FAAP100: variants seen among roughly 807,000 people sequenced by gnomAD.
The protein encoded by FAAP100 is FA core complex associated protein 100, also known as Fanconi anemia core complex-associated protein 100.
In FAAP100, 46 loss-of-function variants were observed where a neutral mutation model predicts 65.8. The observed-to-expected ratio is 0.70, with a 90% CI of 0.55 to 0.89. The LOEUF (loss-of-function observed/expected upper bound fraction) is 0.89. FAAP100 is among the 40% of genes least tolerant of loss of function. FAAP100 has a pLI of 0.00. For missense variants in FAAP100, 1,165 were observed against 1,196.7 expected (o/e 0.97, Z 0.39); for synonymous variants, 663 against 555.1 (o/e 1.19, Z -2.73).
At chr17:81,549,464 G>T in intron 3 of FAAP100, 102 bp from the exon 4 acceptor site, 1 of 1,402,608 alleles carries the variant, frequency 7.1e-7, no homozygotes, top group Non-Finnish European at 9.6e-7. Flanking sequence ...GTTGGAAGAC[G>T]GCCAAGGCCA....
chr17:81,547,643 T>C lies in FAAP100; in HGVS notation c.1439A>G (p.Asn480Ser), dbSNP rs2033358869. ...SFLKKAVDQRNKALTSLNEAM... is the reference protein window; with the variant it reads ...SFLKKAVDQRSKALTSLNEAM... ...CTCGTTGAGGCTTGTCAGTGCCTTG[T>C]TCCGCTGGTCAACCGCCTTCTTTAG... The change falls in exon 5 of 9, where the codon AAC becomes AGC. Residue 480 changes from asparagine (N) to serine (S), a missense_variant. Coordinates refer to ENST00000327787, the MANE Select transcript of FAAP100 (RefSeq NM_025161.6). 1.2e-6 allele frequency: 2 copies of C among 1,611,630 alleles called. No individual in the cohort carries two copies. Among genetic ancestry groups the C allele is most frequent in the Non-Finnish European group, 1.7e-6 (2 of 1,178,638 alleles).
At chr17:81,546,200 G>A (rs1034767586) in intron 5 of FAAP100, among the ~76,000 whole-genome samples, 3 of 152,218 alleles carry the variant, frequency 2.0e-5, no homozygotes, top group African/African-American at 7.2e-5. Flanking sequence ...AGCTCCGCCC[G>A]GCACTGGGCA....
At position 81,541,352 on chromosome 17, in the gene FAAP100, T is replaced by G. The variant is rs888616140; in HGVS notation, c.2471A>C (p.Asp824Ala). Reference protein sequence around the residue: ...EQATQGSSAPDLRVQYLRQIH... With the variant: ...EQATQGSSAPALRVQYLRQIH... ...CTGGCGGAGGTACTGCACACGGAGA[T>G]CAGGAGCGCTGGAGCCCTGGGTGGC... is the stretch of plus-strand genomic sequence containing the variant. The change falls in exon 8 of 9, where the codon GAT becomes GCT. Residue 824 changes from aspartate to alanine, a missense_variant. By Grantham distance (126) the Asp-to-Ala change is moderately radical. Transcript: ENST00000327787. The G allele has an allele frequency of 1.9e-6, 3 of 1,611,692 alleles. No individual in the cohort carries two copies. Among genetic ancestry groups the G allele is most frequent in the Non-Finnish European group, 2.5e-6 (3 of 1,179,822 alleles).
Position 81,551,133 on chromosome 17 carries a change from C to T in FAAP100, c.361G>A (p.Asp121Asn), listed in dbSNP as rs115042934. 5.0e-5 allele frequency: 78 copies of T among 1,550,694 alleles called. No homozygotes were observed. In the African/African-American group the frequency reaches 9.7e-4, roughly 19 times the overall value. ...QPSPVIPVDP[D>N]ACILPDAALC... Reference sequence around the variant, plus strand: ...GCAGCATCGGGAAGGATGCAGGCATCGGGGTCCACAGGGATCACGGGGGAA... The same window carrying T: ...GCAGCATCGGGAAGGATGCAGGCATTGGGGTCCACAGGGATCACGGGGGAA... Residue 121 changes from aspartate to asparagine, a missense_variant, in exon 3 of 9, where the codon GAT (aspartate) becomes AAT (asparagine). Asp to Asn is a conservative substitution (Grantham distance 23). Coordinates refer to ENST00000327787, the MANE Select transcript of FAAP100 (RefSeq NM_025161.6).
chr17:81,544,475 G>C (rs1019238956), intron 6 of FAAP100, among the ~76,000 whole-genome samples: 1 of 152,174 alleles, frequency 6.6e-6, no homozygotes, highest in African/African-American at 2.4e-5. Flanking sequence ...CCTACATGTA[G>C]ATCCTGCCAC....
In FAAP100 at chr17:81,549,101, C is replaced by T. The variant is rs529735839; in HGVS notation, c.1403+105G>A. On this transcript the variant is annotated intron_variant, in intron 4 of 8. Coordinates refer to ENST00000327787, the MANE Select transcript of FAAP100 (RefSeq NM_025161.6). ...GGCCAAGTAATGGCCTGGCCTGGAC[C>T]GTTGCCACCCGAGGACACTCACACC... 41 of 1,285,102 alleles carry T rather than the reference C, an allele frequency of 3.2e-5. No homozygotes were observed. The Middle Eastern group carries it at 2.8e-3, about 88-fold the overall frequency. 79.6% of individuals were successfully genotyped at this position (1,285,102 alleles called of 1,614,324 possible). A position where few individuals can be genotyped will look rare whatever the true frequency, so the allele number is the denominator to read the frequency against.
Position 81,540,954 on chromosome 17 carries a change from C to T in FAAP100, c.2515-4G>A. 3 of 1,574,596 alleles carry T rather than the reference C, an allele frequency of 1.9e-6. No homozygotes were observed. The highest frequency in any genetic ancestry group is 4.5e-5 in the East Asian group (2 of 44,060). ...TCTGCACCTCCCGCAGCAGTGTCTG[C>T]AGGTGAAGCAGACACAGCTCAGGCC... On this transcript the variant is annotated splice_region_variant and splice_polypyrimidine_tract_variant and intron_variant, in intron 8 of 8. Coordinates refer to ENST00000327787, the MANE Select transcript of FAAP100 (RefSeq NM_025161.6).
At chr17:81,541,633 T>C (rs1010509429) in intron 7 of FAAP100, among the ~76,000 whole-genome samples, 1 of 152,204 alleles carries the variant, frequency 6.6e-6, no homozygotes, top group African/African-American at 2.4e-5. Context: ...ACTCGTTTGG[T>C]TCTTTTCTCT....
Position 81,552,031 on chromosome 17 carries a change from G to T in FAAP100, c.187C>A (p.Gln63Lys), listed in dbSNP as rs1411443237. The part of the protein sequence containing the change: ...LLTAAFRFPD[Q>K]VWHLELLAPR... ...GCCAGCAGCTCCAGGTGCCACACCTGGTCGGGGAACCGGAACGCCGCCTGC... is the reference window on the plus strand; with the variant it reads ...GCCAGCAGCTCCAGGTGCCACACCTTGTCGGGGAACCGGAACGCCGCCTGC... The change falls in exon 2 of 9, where the codon CAG (glutamine) becomes AAG (lysine). Residue 63 changes from glutamine to lysine, a missense_variant. By Grantham distance (53) the Gln-to-Lys change is moderately conservative (BLOSUM62 1). Coordinates refer to ENST00000327787, the MANE Select transcript of FAAP100 (RefSeq NM_025161.6). The T allele has an allele frequency of 6.5e-7, 1 of 1,540,156 alleles. No homozygotes were observed. Among genetic ancestry groups the T allele is most frequent in the East Asian group, 2.6e-5 (1 of 38,042 alleles).
chr17:81,540,655 G>A lies in FAAP100; in HGVS notation c.*164C>T, dbSNP rs776195550. On this transcript the variant is annotated 3_prime_UTR_variant, in exon 9 of 9. Transcript: ENST00000327787. ...AATCAGAATCTGCTTTGTGCTCCAC[G>A]GCCTCCAAGCACTTTCATGAGCGTT... 11 of 949,604 alleles carry A rather than the reference G, an allele frequency of 1.2e-5. No individual in the cohort carries two copies. The highest frequency in any genetic ancestry group is 3.5e-4 in the Middle Eastern group (1 of 2,826). 58.8% of individuals were successfully genotyped at this position (949,604 alleles called of 1,614,324 possible). A position where few individuals can be genotyped will look rare whatever the true frequency, so the allele number is the denominator to read the frequency against.
chr17:81,541,225 C>A, intron 8 of FAAP100, 84 bp downstream of exon 8: 1 of 1,430,108 alleles, frequency 7.0e-7, no homozygotes, highest in Non-Finnish European at 9.6e-7. Flanking sequence ...ACTCTGCGGA[C>A]CCCGAGTGAC....
At chr17:81,541,547 T>C (rs1037181915) in intron 7 of FAAP100, 152 bp from the exon 8 acceptor site, 2 of 692,908 alleles carry the variant, frequency 2.9e-6, no homozygotes, top group Non-Finnish European at 5.0e-6. Context: ...TTTTCCACCT[T>C]GCTGTTCATC....
At position 81,551,765 on chromosome 17, in the gene FAAP100, T is replaced by G; in HGVS notation, c.290+163A>C. ...GTGAGCAAGACACTTGCAGAAAGAG[T>G]GCTGGGGGCAGGGGCTCCAGATAAT... is the stretch of plus-strand genomic sequence containing the variant. On this transcript the variant is annotated intron_variant, in intron 2 of 8. Transcript: ENST00000327787. 2.9e-6 allele frequency: 4 copies of G among 1,370,042 alleles called. No individual in the cohort carries two copies. The South Asian group carries it at 6.8e-5, about 23-fold the overall frequency. The allele number at this position is 1,370,042 out of a possible 1,614,324, so 84.9% of individuals were successfully genotyped here. A position where few individuals can be genotyped will look rare whatever the true frequency, so the allele number is the denominator to read the frequency against.
chr17:81,541,394 G>A lies in FAAP100; in HGVS notation c.2429C>T (p.Thr810Met), dbSNP rs544915795. 1.1e-5 allele frequency: 18 copies of A among 1,604,850 alleles called. No individual in the cohort carries two copies. Among genetic ancestry groups the A allele is most frequent in the Middle Eastern group, 1.7e-4 (1 of 5,990 alleles). Reference sequence around the variant, plus strand: ...CTGGGTGGCCTGCTCTGTCACCATCGTCTGGGGGACACAGGAGACATGCTG... The same window carrying A: ...CTGGGTGGCCTGCTCTGTCACCATCATCTGGGGGACACAGGAGACATGCTG... Reference protein sequence around the residue: ...AHHAVVGRMQTMVTEQATQGS... With the variant: ...AHHAVVGRMQMMVTEQATQGS... Residue 810 changes from threonine (T) to methionine (M), a missense_variant and splice_region_variant, in exon 8 of 9, where the codon ACG becomes ATG. By Grantham distance (81) the Thr-to-Met change is moderately conservative (BLOSUM62 -1). Transcript: ENST00000327787.
intron 6 of FAAP100, among the ~76,000 whole-genome samples, chr17:81,544,827 C>CT (rs2033242487): frequency 6.6e-6 from 1 of 152,226 alleles, no homozygotes; most frequent in Non-Finnish European, 1.5e-5. Flanking sequence ...GCTGAAAGGG[C>CT]TGTGTAGAGG....
Position 81,541,355 on chromosome 17 carries a change from G to A in FAAP100, c.2468C>T (p.Pro823Leu), listed in dbSNP as rs760032036. The change falls in exon 8 of 9, where the codon CCT becomes CTT. Residue 823 changes from proline (P) to leucine (L), a missense_variant. Physicochemically the swap from Pro to Leu is moderately conservative, Grantham distance 98. Transcript: ENST00000327787. ...TEQATQGSSA[P>L]DLRVQYLRQI... ...GCGGAGGTACTGCACACGGAGATCAGGAGCGCTGGAGCCCTGGGTGGCCTG... is the reference window on the plus strand; with the variant it reads ...GCGGAGGTACTGCACACGGAGATCAAGAGCGCTGGAGCCCTGGGTGGCCTG... 1.2e-6 allele frequency: 2 copies of A among 1,611,846 alleles called. No individual in the cohort carries two copies. The highest frequency in any genetic ancestry group is 1.7e-6 in the Non-Finnish European group (2 of 1,179,836).
intron 8 of FAAP100, 127 bp downstream of exon 8, chr17:81,541,182 G>A (rs2033080450): frequency 1.7e-6 from 2 of 1,197,846 alleles, no homozygotes; most frequent in Non-Finnish European, 2.4e-6. Flanking sequence ...CTTTGCCCCA[G>A]GCCCATGGGA....
At chr17:81,548,322 T>C in intron 4 of FAAP100, 1 of 351,904 alleles carries the variant, frequency 2.8e-6, no homozygotes, top group South Asian at 6.8e-5. Flanking sequence ...AGGGGACGTC[T>C]CCCGTGCCCC....
intron 7 of FAAP100, among the ~76,000 whole-genome samples, chr17:81,543,329 G>A (rs2033185353): frequency 6.6e-6 from 1 of 152,226 alleles, no homozygotes; most frequent in South Asian, 2.1e-4. Flanking sequence ...CCCCTAAAAA[G>A]AAACTCCGGA....
Sources: allele counts gnomAD v4.1 joint callset (sites outside exome capture counted in the v4.1 genomes callset), GRCh38; gene constraint gnomAD v4.1.1; transcripts MANE v1.5; gene names NCBI Gene and HGNC (gene_info 2026-07-23, HGNC 2026-07-21).